ISX: variants seen among roughly 807,000 people sequenced by gnomAD.
ISX encodes intestine-specific homeobox.
In ISX, 15 loss-of-function variants were observed where a neutral mutation model predicts 16.9. The observed-to-expected ratio is 0.89, with a 90% CI of 0.59 to 1.36. ISX has a LOEUF of 1.36. ISX is among the 40% of genes most tolerant of loss of function. The pLI, the probability that ISX is intolerant of heterozygous loss-of-function variation, is 0.00. For synonymous variants in ISX, 125 were observed against 119.7 expected, an observed-to-expected ratio of 1.04 and a Z score of -0.29; for missense variants, 316 against 306.1, an observed-to-expected ratio of 1.03 and a Z score of -0.24.
At chr22:35,082,774 G>T (rs1203992958) in intron 3 of ISX, 105 bp downstream of exon 3, 4 of 1,209,214 alleles carry the variant, frequency 3.3e-6, no homozygotes, top group Non-Finnish European at 4.7e-6. Flanking sequence ...AAAAGTTTCT[G>T]TTGGCTTTAT....
chr22:35,068,517 C>T (rs1928766771), intron 2 of ISX, among the ~76,000 whole-genome samples: 1 of 152,166 alleles, frequency 6.6e-6, no homozygotes, highest in Non-Finnish European at 1.5e-5. Flanking sequence ...TCTTCCAGTC[C>T]ATTAAAGATT....
Position 35,084,142 on chromosome 22 carries a change from T to C in ISX, c.382-241T>C, listed in dbSNP as rs530340952. 1.4e-4 allele frequency among the ~76,000 whole-genome samples: 22 copies of C among 152,350 alleles called. No individual in the cohort carries two copies. In the East Asian group the frequency reaches 1.7e-3, roughly 12 times the overall value. ...TCACCACAGACCCCGCCAATCCCAA[T>C]TGGGCAGCACCAGCTGCTTCACTCA... On this transcript the variant is annotated intron_variant, in intron 3 of 4. Coordinates refer to ENST00000404699, the MANE Select transcript of ISX (RefSeq NM_001303508.2).
chr22:35,069,286 T>C (rs1235208498), intron 2 of ISX, among the ~76,000 whole-genome samples: 1 of 152,160 alleles, frequency 6.6e-6, no homozygotes, highest in Non-Finnish European at 1.5e-5. Context: ...CCAGAAACTA[T>C]ATAAAAGAAA....
Position 35,086,084 on chromosome 22 carries a change from G to A in ISX, c.*391G>A, listed in dbSNP as rs764884203. 18 of 302,008 alleles carry A rather than the reference G, an allele frequency of 6.0e-5. No individual in the cohort carries two copies. Among genetic ancestry groups the A allele is most frequent in the South Asian group, 1.0e-4 (3 of 29,286 alleles). The allele number at this position is 302,008 out of a possible 1,614,324, so 18.7% of individuals were successfully genotyped here. A position where few individuals can be genotyped will look rare whatever the true frequency, so the allele number is the denominator to read the frequency against. Reference sequence around the variant, plus strand: ...GCTGGATAAGATGATTTCTGAAGACGCTTCCATGGTGGGCACTGAGGCACA... The same window carrying A: ...GCTGGATAAGATGATTTCTGAAGACACTTCCATGGTGGGCACTGAGGCACA... On this transcript the variant is annotated 3_prime_UTR_variant, in exon 5 of 5. Transcript: ENST00000404699.
intron 2 of ISX, among the ~76,000 whole-genome samples, chr22:35,079,227 A>G (rs1485646330): frequency 6.6e-6 from 1 of 152,188 alleles, no homozygotes; most frequent in African/African-American, 2.4e-5. Context: ...ATTTGGGGTA[A>G]AAAGAAAGTG....
In ISX at chr22:35,085,764, G is replaced by A; in HGVS notation, c.*71G>A. The A allele has an allele frequency of 1.3e-6, 2 of 1,593,636 alleles. No individual in the cohort carries two copies. The highest frequency in any genetic ancestry group is 1.7e-6 in the Non-Finnish European group (2 of 1,164,168). On this transcript the variant is annotated 3_prime_UTR_variant, in exon 5 of 5. Coordinates refer to ENST00000404699, the MANE Select transcript of ISX (RefSeq NM_001303508.2). ...GAAGGCAGGTAGCAGATGTGCCCTGGGCCTCTGGGGAAATCGATTTCACAA... is the reference window on the plus strand; with the variant it reads ...GAAGGCAGGTAGCAGATGTGCCCTGAGCCTCTGGGGAAATCGATTTCACAA...
chr22:35,067,872 G>A (rs1374053983), intron 2 of ISX, among the ~76,000 whole-genome samples: 5 of 152,280 alleles, frequency 3.3e-5, no homozygotes, highest in South Asian at 4.1e-4. Context: ...TTTGGCTTGG[G>A]AAAAGTCTGT....
At chr22:35,067,376 G>T in intron 2 of ISX, 60 bp downstream of exon 2, 1 of 1,250,910 alleles carries the variant, frequency 8.0e-7, no homozygotes. Flanking sequence ...GCTGGGCTCA[G>T]GCAGAGAAAA....
chr22:35,086,194 G>A lies in ISX; in HGVS notation c.*501G>A, dbSNP rs888003821. The A allele has an allele frequency of 5.6e-5, 10 of 178,434 alleles. No individual in the cohort carries two copies. Among genetic ancestry groups the A allele is most frequent in the East Asian group, 1.4e-4 (1 of 6,914 alleles). 11.1% of individuals were successfully genotyped at this position (178,434 alleles called of 1,614,324 possible). ...CTACTGAGGACTCCATAAACAGAAC[G>A]GGATACAGAGATAAACAATTTGGGT... is the stretch of plus-strand genomic sequence containing the variant. On this transcript the variant is annotated 3_prime_UTR_variant, in exon 5 of 5. Transcript: ENST00000404699.
rs751164155 is a variant in ISX, at chr22:35,084,510, G to A, written c.498+11G>A. On this transcript the variant is annotated intron_variant, in intron 4 of 4. Coordinates refer to ENST00000404699, the MANE Select transcript of ISX (RefSeq NM_001303508.2). ...AATCTGGATGTGGCTGTAAGTGGCT[G>A]AGGCCTCAAGGTAGGGTGGAGGGAG... is the stretch of plus-strand genomic sequence containing the variant. 3.8e-6 allele frequency: 6 copies of A among 1,574,440 alleles called. No homozygotes were observed. The Admixed American group carries it at 1.0e-4, about 26-fold the overall frequency.
chr22:35,085,373 C>CACT, intron 4 of ISX, 81 bp from the exon 5 acceptor site: 2 of 1,563,468 alleles, frequency 1.3e-6, no homozygotes, highest in Non-Finnish European at 1.8e-6. Context: ...TCTTAGCTGC[C>CACT]CAAGCCATGG....
chr22:35,067,411 A>G (rs756172373), intron 2 of ISX, 95 bp downstream of exon 2: 57 of 816,812 alleles, frequency 7.0e-5, no homozygotes, highest in Non-Finnish European at 1.1e-4. Context: ...TATTAACTGG[A>G]TAGAGGACTC....
chr22:35,085,087 G>A (rs1003205168), intron 4 of ISX, among the ~76,000 whole-genome samples: 3 of 152,056 alleles, frequency 2.0e-5, no homozygotes. Flanking sequence ...TAGAGTTAAA[G>A]GTTTTTACAT....
intron 2 of ISX, among the ~76,000 whole-genome samples, chr22:35,074,449 C>T (rs1928931080): frequency 6.6e-6 from 1 of 152,168 alleles, no homozygotes; most frequent in Admixed American, 6.5e-5. Flanking sequence ...TTTTAGTCTC[C>T]ATATATGGAA....
In ISX at chr22:35,085,585, A is replaced by T; in HGVS notation, c.630A>T (p.Glu210Asp). 6.2e-7 allele frequency: 1 copy of T among 1,614,216 alleles called. No individual in the cohort carries two copies. Among genetic ancestry groups the T allele is most frequent in the Non-Finnish European group, 8.5e-7 (1 of 1,180,040 alleles). The change falls in exon 5 of 5, where the codon GAA becomes GAT. Residue 210 changes from glutamate (E) to aspartate (D), a missense_variant. By Grantham distance (45) the Glu-to-Asp change is conservative (BLOSUM62 2). Transcript: ENST00000404699. ...CCCTCCTCCCAGCGCACCCATGGGA[A>T]ACACAGCCTGTCCCAGGTCTTCCCA... ...WITLLPAHPW[E>D]TQPVPGLPIH...
chr22:35,084,448 A>T lies in ISX; in HGVS notation c.447A>T (p.Pro149=). The T allele has an allele frequency of 6.2e-7, 1 of 1,613,718 alleles. No homozygotes were observed. Among genetic ancestry groups the T allele is most frequent in the South Asian group, 1.1e-5 (1 of 90,950 alleles). ...AGAAGATTGGCAACCTGGGGGCTCC[A>T]CAGCAGCTGAGTGAAGCCAGTGTGG... ...KQEKIGNLGA[P]QQLSEASVAL... The change falls in exon 4 of 5, where the codon CCA becomes CCT. Residue 149 remains proline, a synonymous_variant. Transcript: ENST00000404699.
rs552997810 is a variant in ISX at position 35,074,715 on chromosome 22, C to T, written c.229+7399C>T. The stretch of plus-strand genomic sequence containing the variant: ...AAGAAGGATAACTAAACATGGATTT[C>T]CCCATTGAACAGGAACAAGTTCTAG... On this transcript the variant is annotated intron_variant, in intron 2 of 4. Transcript: ENST00000404699. 3.9e-5 allele frequency among the ~76,000 whole-genome samples: 6 copies of T among 152,302 alleles called. No homozygotes were observed. In the South Asian group the frequency reaches 1.2e-3, roughly 32 times the overall value.
chr22:35,076,843 T>C (rs1928994342), intron 2 of ISX, among the ~76,000 whole-genome samples: 1 of 152,228 alleles, frequency 6.6e-6, no homozygotes, highest in Non-Finnish European at 1.5e-5. Context: ...TTTGAAGACC[T>C]ATTAAAGTGT....
intron 4 of ISX, among the ~76,000 whole-genome samples, chr22:35,084,837 G>A (rs917648989): frequency 5.9e-5 from 9 of 152,180 alleles, no homozygotes; most frequent in South Asian, 2.1e-4. Context: ...GCCTGAGTTC[G>A]AATCCCAGCT....
Sources: allele counts gnomAD v4.1 joint callset (sites outside exome capture counted in the v4.1 genomes callset), GRCh38; gene constraint gnomAD v4.1.1; transcripts MANE v1.5; gene names NCBI Gene and HGNC (gene_info 2026-07-23, HGNC 2026-07-21).